Variants in AJAP1 observed in about 807,000 individuals in gnomAD.
AJAP1 encodes adherens junction-associated protein 1.
Under a neutral mutation model 35.0 loss-of-function variants are expected in AJAP1, and 5 were observed. That is an observed-to-expected ratio of 0.14 (90% CI 0.07 to 0.30). The LOEUF (loss-of-function observed/expected upper bound fraction) is 0.30. AJAP1 is among the 10% of genes least tolerant of loss of function. AJAP1 has a pLI of 1.00. For synonymous variants in AJAP1, 284 were observed against 249.3 expected (o/e 1.14, Z -1.31); for missense variants, 586 against 571.0 (o/e 1.03, Z -0.27).
chr1:4,772,533 C>T lies in AJAP1; in HGVS notation c.1163+8C>T, dbSNP rs201189906. On this transcript the variant is annotated splice_region_variant and intron_variant, in intron 4 of 5. Transcript: ENST00000378191. ...CACATTTAATGGAAACCGGTAAGCT[C>T]GGGCTCTGCTAGACCCTGCAGCTGT... The T allele has an allele frequency of 3.5e-3, 5,666 of 1,613,276 alleles. 41 individuals carry two copies. Among genetic ancestry groups the T allele is most frequent in the Non-Finnish European group, 3.2e-3 (3,781 of 1,179,478 alleles).
At chr1:4,753,073 AATC>A (rs1641355069) in intron 2 of AJAP1, among the ~76,000 whole-genome samples, 1 of 114,194 alleles carries the variant, frequency 8.8e-6, no homozygotes. Flanking sequence ...GCCTACCATG[AATC>A]TTCTCCTTCT....
chr1:4,728,069 C>T (rs896100507), intron 2 of AJAP1, among the ~76,000 whole-genome samples: 3 of 152,208 alleles, frequency 2.0e-5, no homozygotes. Flanking sequence ...GAACAGAACT[C>T]GCCCACAGAA....
rs1462065380 is a variant in AJAP1 at position 4,693,548 on chromosome 1, CAG to C, written c.30-18351_30-18350del. Among the ~76,000 whole-genome samples, 1 of 152,156 alleles carries C rather than the reference CAG, an allele frequency of 6.6e-6. No homozygotes were observed. The highest frequency in any genetic ancestry group is 1.5e-5 in the Non-Finnish European group (1 of 68,020). On this transcript the variant is annotated intron_variant, in intron 1 of 5. Coordinates refer to ENST00000378191, the MANE Select transcript of AJAP1 (RefSeq NM_018836.4). The surrounding 1 kb of genome is among the most constrained non-coding windows in gnomAD (Gnocchi z 4.4). The stretch of plus-strand genomic sequence containing the variant: ...GGCTGACAGCCTGTGTTTTGGGCAT[CAG>C]GGGACTGGGAGCGGGAGGGGAGGAA...
At chr1:4,727,949 C>A (rs1640707892) in intron 2 of AJAP1, among the ~76,000 whole-genome samples, 1 of 152,228 alleles carries the variant, frequency 6.6e-6, no homozygotes, top group African/African-American at 2.4e-5. Context: ...GATGACAGCA[C>A]AGCCCAGCCC....
intron 2 of AJAP1, among the ~76,000 whole-genome samples, chr1:4,732,193 A>G (rs1361972577): frequency 6.6e-6 from 1 of 152,254 alleles, no homozygotes; most frequent in Non-Finnish European, 1.5e-5. Flanking sequence ...GGGATGGGGC[A>G]CAGCCAAATT....
At chr1:4,737,461 G>A (rs1319345095) in intron 2 of AJAP1, among the ~76,000 whole-genome samples, 1 of 151,944 alleles carries the variant, frequency 6.6e-6, no homozygotes, top group African/African-American at 2.4e-5. Flanking sequence ...AGGACGCAGT[G>A]CAAGTGCAAG....
intron 5 of AJAP1, among the ~76,000 whole-genome samples, chr1:4,778,857 A>T (rs1420029241): frequency 6.6e-6 from 1 of 152,150 alleles, no homozygotes; most frequent in African/African-American, 2.4e-5. Flanking sequence ...GCGACTGAGG[A>T]CAAAACTGCT....
chr1:4,753,803 C>A (rs910173131), intron 2 of AJAP1, among the ~76,000 whole-genome samples: 1 of 152,214 alleles, frequency 6.6e-6, no homozygotes, highest in South Asian at 2.1e-4. Flanking sequence ...AACTCCTGAC[C>A]TCAGGTGATC....
intron 1 of AJAP1, among the ~76,000 whole-genome samples, chr1:4,659,182 A>G (rs984394431): frequency 6.6e-6 from 1 of 152,252 alleles, no homozygotes. Context: ...CAGGGGTTAT[A>G]TAAGAGTCAT....
intron 2 of AJAP1, among the ~76,000 whole-genome samples, chr1:4,752,022 G>A (rs1446852701): frequency 6.6e-6 from 1 of 152,160 alleles, no homozygotes; most frequent in East Asian, 1.9e-4. Flanking sequence ...GGTGCCCACA[G>A]GAGTGAGTTA....
chr1:4,717,293 C>T (rs376080960), intron 2 of AJAP1, among the ~76,000 whole-genome samples: 74 of 152,302 alleles, frequency 4.9e-4, no homozygotes, highest in African/African-American at 1.7e-3. Flanking sequence ...TGAAGGTTTC[C>T]TGAACCTTAC....
chr1:4,689,050 C>T (rs1289383602), intron 1 of AJAP1, among the ~76,000 whole-genome samples: 1 of 152,018 alleles, frequency 6.6e-6, no homozygotes, highest in East Asian at 1.9e-4. Context: ...CCCGCCTGCC[C>T]CCCTCACTCG....
chr1:4,712,598 G>A lies in AJAP1; in HGVS notation c.728G>A (p.Arg243Gln), dbSNP rs147766055. The change falls in exon 2 of 6, where the codon CGG (arginine) becomes CAG (glutamine). Residue 243 changes from arginine to glutamine, a missense_variant. Transcript: ENST00000378191. ...GGGTTCACCGAGTCCTTGGATCCCC[G>A]GAGAAGGATCCCAGGTGGGGTTAGC... ...TKGFTESLDP[R>Q]RRIPGGVSTT... is the part of the protein sequence containing the mutation. 81 of 1,602,260 alleles carry A rather than the reference G, an allele frequency of 5.1e-5. No individual in the cohort carries two copies. In the African/African-American group the frequency reaches 8.8e-4, roughly 17 times the overall value.
chr1:4,757,925 G>T (rs941243467), intron 2 of AJAP1, among the ~76,000 whole-genome samples: 6 of 139,274 alleles, frequency 4.3e-5, no homozygotes, highest in African/African-American at 1.6e-4. Flanking sequence ...TACCTGTTGT[G>T]GGAGGGACCC....
intron 2 of AJAP1, among the ~76,000 whole-genome samples, chr1:4,767,715 TCAC>T: frequency 6.6e-6 from 1 of 152,254 alleles, no homozygotes; most frequent in Non-Finnish European, 1.5e-5. Context: ...ATTACCATCA[TCAC>T]CACCATCACC....
At chr1:4,747,717 T>C (rs997376561) in intron 2 of AJAP1, among the ~76,000 whole-genome samples, 1 of 152,202 alleles carries the variant, frequency 6.6e-6, no homozygotes, top group Non-Finnish European at 1.5e-5. Flanking sequence ...TGGCCGGGCA[T>C]GATGGCTCAC....
chr1:4,688,702 G>A (rs906563153), intron 1 of AJAP1, among the ~76,000 whole-genome samples: 8 of 149,238 alleles, frequency 5.4e-5, no homozygotes, highest in Non-Finnish European at 7.4e-5. Flanking sequence ...AACCCGGGAG[G>A]CAGAGGTTGC....
chr1:4,692,422 G>T lies in AJAP1; in HGVS notation c.30-19478G>T, dbSNP rs1039894283. Among the ~76,000 whole-genome samples the T allele has an allele frequency of 6.6e-6, 1 of 152,168 alleles. No individual in the cohort carries two copies. On this transcript the variant is annotated intron_variant, in intron 1 of 5. Transcript: ENST00000378191. This position sits in a 1 kb window ranked among gnomAD's most constrained non-coding sequence, Gnocchi z 4.4. ...GGTGCAGCAGAGGGATATAGCCTCC[G>T]TGGGACTCATCATTACGAGGACTTG...
chr1:4,785,807 GGTT>G lies in AJAP1; in HGVS notation c.*3323_*3325del, dbSNP rs927767085. 6.6e-6 allele frequency: 1 copy of G among 152,142 alleles called. No individual in the cohort carries two copies. The highest frequency in any genetic ancestry group is 1.5e-5 in the Non-Finnish European group (1 of 68,042). 9.4% of individuals were successfully genotyped at this position (152,142 alleles called of 1,614,324 possible). On this transcript the variant is annotated 3_prime_UTR_variant, in exon 6 of 6. Coordinates refer to ENST00000378191, the MANE Select transcript of AJAP1 (RefSeq NM_018836.4). ...AAAGAACTCCAAGGAAGGGTGATGT[GGTT>G]TGTTAGGGTTCCCCAGTTTTCGTCC... is the stretch of plus-strand genomic sequence containing the variant.
Sources: allele counts gnomAD v4.1 joint callset (sites outside exome capture counted in the v4.1 genomes callset), GRCh38; gene constraint gnomAD v4.1.1; non-coding constraint Gnocchi (gnomAD v3.1); transcripts MANE v1.5; gene names NCBI Gene and HGNC (gene_info 2026-07-23, HGNC 2026-07-21).